Variants in FANCA observed in about 807,000 individuals in gnomAD.
The protein encoded by FANCA is Fanconi anemia group A protein.
A neutral mutation model predicts 194.3 loss-of-function variants in FANCA; 236 were observed. The observed-to-expected ratio is 1.21, with a 90% CI of 1.09 to 1.35. The LOEUF (loss-of-function observed/expected upper bound fraction) is 1.35, where lower values mean the gene tolerates loss of function less well. FANCA is among the 40% of genes most tolerant of loss of function. FANCA has a pLI of 0.00. For missense variants in FANCA, 2,628 were observed against 1,813.9 expected, an observed-to-expected ratio of 1.45 and a Z score of -8.15; for synonymous variants, 1,014 against 715.8, an observed-to-expected ratio of 1.42 and a Z score of -6.65.
At chr16:89,772,288 T>G (rs991272180) in intron 22 of FANCA, among the ~76,000 whole-genome samples, 1 of 152,354 alleles carries the variant, frequency 6.6e-6, no homozygotes, top group African/African-American at 2.4e-5. Context: ...TTTTCCTCCA[T>G]GTCCCCCATG....
intron 39 of FANCA, 175 bp from the exon 40 acceptor site, chr16:89,739,728 G>T (rs957457883): frequency 1.3e-6 from 2 of 1,494,102 alleles, no homozygotes; most frequent in South Asian, 1.3e-5. Flanking sequence ...GGGAGAGGAT[G>T]GGGGGGTCGA....
At chr16:89,767,377 T>C in intron 26 of FANCA, 140 bp from the exon 27 acceptor site, 2 of 694,124 alleles carry the variant, frequency 2.9e-6, no homozygotes, top group Non-Finnish European at 5.1e-6. Flanking sequence ...GTTTTTTGGT[T>C]CGTTTGTTGT....
intron 5 of FANCA, 50 bp downstream of exon 5, chr16:89,810,657 A>G (rs2040841236): frequency 8.2e-7 from 1 of 1,216,980 alleles, no homozygotes; most frequent in African/African-American, 1.5e-5. Flanking sequence ...CCAGATCAAC[A>G]GAACATTGCC....
chr16:89,770,547 G>C lies in FANCA; in HGVS notation c.2222+17C>G, dbSNP rs755657610. On this transcript the variant is annotated intron_variant, in intron 24 of 42. Transcript: ENST00000389301. ...CCAGAGGAGCCCCACCACTCAGGGA[G>C]CTGCCCGCGCCTTCACCTCTCCGGG... is the stretch of plus-strand genomic sequence containing the variant. The C allele has an allele frequency of 1.9e-6, 3 of 1,593,848 alleles. No individual in the cohort carries two copies. Among genetic ancestry groups the C allele is most frequent in the Non-Finnish European group, 2.6e-6 (3 of 1,169,768 alleles).
In FANCA at chr16:89,765,157, C is replaced by T. The variant is rs1045414291; in HGVS notation, c.2602-91G>A. On this transcript the variant is annotated intron_variant, in intron 27 of 42. Coordinates refer to ENST00000389301, the MANE Select transcript of FANCA (RefSeq NM_000135.4). ...TGCTCAGGTGGAAACAGACCATCAA[C>T]AGCCCACACACACAACCCCACATTC... 7 of 1,412,252 alleles carry T rather than the reference C, an allele frequency of 5.0e-6. No homozygotes were observed. In the African/African-American group the frequency reaches 8.5e-5, roughly 17 times the overall value. 87.5% of individuals were successfully genotyped at this position (1,412,252 alleles called of 1,614,324 possible). A position where few individuals can be genotyped will look rare whatever the true frequency, so the allele number is the denominator to read the frequency against.
At position 89,769,874 on chromosome 16, in the gene FANCA, T is replaced by G. The variant is rs1292223325; in HGVS notation, c.2467A>C (p.Thr823Pro). 6.2e-7 allele frequency: 1 copy of G among 1,613,988 alleles called. No individual in the cohort carries two copies. The highest frequency in any genetic ancestry group is 1.7e-5 in the Admixed American group (1 of 60,002). ...PVPALFDSLL[T>P]CRTRDSLFFC... The stretch of plus-strand genomic sequence containing the variant: ...AACAAGGAATCCCTCGTCCTACAGG[T>G]CAGGAGGCTGTCAAAGAGCGCAGGG... Residue 823 changes from threonine (T) to proline (P), a missense_variant, in exon 26 of 43, where the codon ACC (threonine) becomes CCC (proline). Coordinates refer to ENST00000389301, the MANE Select transcript of FANCA (RefSeq NM_000135.4).
chr16:89,758,821 A>G (rs2038848880), intron 29 of FANCA, 116 bp from the exon 30 acceptor site: 1 of 1,523,160 alleles, frequency 6.6e-7, no homozygotes. Context: ...AGCTGGGTTG[A>G]GACTGGCGGC....
intron 30 of FANCA, among the ~76,000 whole-genome samples, chr16:89,756,779 G>A (rs1391643746): frequency 6.6e-6 from 1 of 151,532 alleles, no homozygotes; most frequent in African/African-American, 2.4e-5. Flanking sequence ...AAGAGAGGCT[G>A]AATAATCCAG....
In FANCA at chr16:89,762,048, T is replaced by C. The variant is rs555025006; in HGVS notation, c.2779-26A>G. 7 of 1,570,220 alleles carry C rather than the reference T, an allele frequency of 4.5e-6. No homozygotes were observed. The African/African-American group carries it at 6.7e-5, about 15-fold the overall frequency. On this transcript the variant is annotated intron_variant, in intron 28 of 42. Transcript: ENST00000389301. ...CTGAGAAAGAGAGCAAGCAATTCAA[T>C]ACAATGAGGACAGAACACACAATCC...
chr16:89,814,537 T>C lies in FANCA; in HGVS notation c.266A>G (p.His89Arg). The C allele has an allele frequency of 6.2e-7, 1 of 1,612,748 alleles. No individual in the cohort carries two copies. Among genetic ancestry groups the C allele is most frequent in the Non-Finnish European group, 8.5e-7 (1 of 1,178,760 alleles). Residue 89 changes from histidine (H) to arginine (R), a missense_variant, in exon 3 of 43, where the codon CAT becomes CGT. Physicochemically the swap from His to Arg is conservative, Grantham distance 29 (BLOSUM62 0). Transcript: ENST00000389301. ...TAACTTACCTATAAATGAACTAGAATGATTAGCATAGGCCTCAGAACTGTC... is the reference window on the plus strand; with the variant it reads ...TAACTTACCTATAAATGAACTAGAACGATTAGCATAGGCCTCAGAACTGTC... ...DCDSSEAYAN[H>R]SSSFIGSALQ...
At chr16:89,797,373 G>A (rs1300038552) in intron 10 of FANCA, among the ~76,000 whole-genome samples, 1 of 151,914 alleles carries the variant, frequency 6.6e-6, no homozygotes, top group Non-Finnish European at 1.5e-5. Flanking sequence ...GGGTCCTGGC[G>A]GTTCAGTGAA....
At chr16:89,748,318 C>T (rs2038461532) in intron 33 of FANCA, among the ~76,000 whole-genome samples, 1 of 152,180 alleles carries the variant, frequency 6.6e-6, no homozygotes, top group Non-Finnish European at 1.5e-5. Flanking sequence ...TTTTTTTACA[C>T]ATGAAGCATG....
At chr16:89,813,579 C>T (rs1010687286) in intron 3 of FANCA, among the ~76,000 whole-genome samples, 3 of 152,044 alleles carry the variant, frequency 2.0e-5, no homozygotes, top group Non-Finnish European at 4.4e-5. Context: ...ACTACAGGCA[C>T]CCACCACCAC....
chr16:89,783,448 G>C (rs1235665250), intron 15 of FANCA, among the ~76,000 whole-genome samples: 2 of 151,658 alleles, frequency 1.3e-5, no homozygotes, highest in African/African-American at 2.4e-5. Context: ...CTACTCGGGA[G>C]ACTGAGGCAG....
chr16:89,791,381 A>G, intron 14 of FANCA, 22 bp downstream of exon 14: 1 of 1,612,868 alleles, frequency 6.2e-7, no homozygotes, highest in Non-Finnish European at 8.5e-7. Context: ...GGTATTAGGT[A>G]GCCGATTGGC....
In FANCA at chr16:89,770,180, G is replaced by C; in HGVS notation, c.2302C>G (p.Leu768Val). 1 of 1,591,718 alleles carries C rather than the reference G, an allele frequency of 6.3e-7. No individual in the cohort carries two copies. The highest frequency in any genetic ancestry group is 8.5e-7 in the Non-Finnish European group (1 of 1,169,678). The change falls in exon 25 of 43, where the codon CTG (leucine) becomes GTG (valine). Residue 768 changes from leucine (L) to valine (V), a missense_variant. Leu to Val is a conservative substitution (Grantham distance 32). Coordinates refer to ENST00000389301, the MANE Select transcript of FANCA (RefSeq NM_000135.4). ...GAGAGCCTCACCTGGTGACGGAGCA[G>C]CTGGCAGAGCCGGGTGAGCACTGCA... ...LPAVLTRLCQ[L>V]LRHQGPSLSA... is the part of the protein sequence containing the mutation.
chr16:89,768,376 T>A (rs1345298200), intron 26 of FANCA, among the ~76,000 whole-genome samples: 4 of 152,168 alleles, frequency 2.6e-5, no homozygotes, highest in Admixed American at 2.6e-4. Flanking sequence ...GTTTTACTAA[T>A]ACATATTTGA....
At chr16:89,752,565 G>C (rs2038632846) in intron 30 of FANCA, among the ~76,000 whole-genome samples, 1 of 152,156 alleles carries the variant, frequency 6.6e-6, no homozygotes, top group South Asian at 2.1e-4. Context: ...TCTTAGATAT[G>C]ATTACATATG....
chr16:89,813,971 T>C (rs2041004567), intron 3 of FANCA, among the ~76,000 whole-genome samples: 2 of 152,208 alleles, frequency 1.3e-5, no homozygotes, highest in Non-Finnish European at 1.5e-5. Context: ...GAAATTCAAA[T>C]ACAATCATGG....
Sources: gnomAD v4.1 joint callset for allele counts (sites outside exome capture counted in the v4.1 genomes callset) on GRCh38, gnomAD v4.1.1 for gene constraint, MANE v1.5 for transcripts, NCBI Gene and HGNC (gene_info 2026-07-23, HGNC 2026-07-21) for gene names.